Variants in ADSS2 observed in about 807,000 individuals in gnomAD.
ADSS2 encodes the protein adenylosuccinate synthase 2.
Under a neutral mutation model 60.0 loss-of-function variants are expected in ADSS2, and 30 were observed. The ratio of observed to expected loss-of-function variants is 0.50; its 90% CI spans 0.37 to 0.68. The LOEUF is 0.68. Ranked by LOEUF, ADSS2 falls within the 30% of genes least tolerant of loss-of-function variation. The pLI is 0.00. For missense variants in ADSS2, 373 were observed against 554.8 expected, an observed-to-expected ratio of 0.67 and a Z score of 3.29; for synonymous variants, 187 against 193.1, an observed-to-expected ratio of 0.97 and a Z score of 0.26.
chr1:244,417,546 A>C (rs567526488), intron 10 of ADSS2, 82 bp downstream of exon 10: 1 of 1,514,032 alleles, frequency 6.6e-7, no homozygotes, highest in African/African-American at 1.4e-5. Context: ...AAATTTTCCT[A>C]TTAAGGTACT....
chr1:244,433,574 T>C (rs187122379), intron 3 of ADSS2, among the ~76,000 whole-genome samples: 12 of 152,244 alleles, frequency 7.9e-5, no homozygotes, highest in East Asian at 7.7e-4. Flanking sequence ...ATAACAAATA[T>C]GGGCTGGGTG....
intron 11 of ADSS2, among the ~76,000 whole-genome samples, chr1:244,414,964 G>A (rs61067812): frequency 0.21 from 31,282 of 152,202 alleles, 3,600 homozygotes; most frequent in Admixed American, 0.28. Flanking sequence ...TTTCATAAGT[G>A]CTACTGCTGA....
chr1:244,425,497 T>C (rs1387353362), intron 4 of ADSS2, among the ~76,000 whole-genome samples: 1 of 152,208 alleles, frequency 6.6e-6, no homozygotes, highest in Admixed American at 6.5e-5. Flanking sequence ...TATTTAGAAC[T>C]ATTAGAAGAC....
chr1:244,420,802 G>A (rs546641456), intron 7 of ADSS2, among the ~76,000 whole-genome samples: 43 of 152,202 alleles, frequency 2.8e-4, no homozygotes, highest in African/African-American at 8.4e-4. Context: ...CGACCTCCCA[G>A]GCTCAAGCGA....
At chr1:244,425,639 A>G (rs913148401) in intron 4 of ADSS2, among the ~76,000 whole-genome samples, 2 of 152,074 alleles carry the variant, frequency 1.3e-5, no homozygotes, top group Non-Finnish European at 2.9e-5. Flanking sequence ...ACACTACTAA[A>G]ACTATCAAGG....
intron 1 of ADSS2, among the ~76,000 whole-genome samples, chr1:244,448,095 T>A (rs1309650495): frequency 6.6e-6 from 1 of 152,190 alleles, no homozygotes; most frequent in African/African-American, 2.4e-5. Flanking sequence ...GAAATAGCAA[T>A]TGTTATAAAC....
At chr1:244,415,059 T>G (rs931505360) in intron 11 of ADSS2, among the ~76,000 whole-genome samples, 3 of 152,248 alleles carry the variant, frequency 2.0e-5, no homozygotes, top group Non-Finnish European at 4.4e-5. Flanking sequence ...AGCTTTAAAA[T>G]TAAACACATG....
At chr1:244,441,625 T>C (rs1665250335) in intron 1 of ADSS2, among the ~76,000 whole-genome samples, 1 of 152,030 alleles carries the variant, frequency 6.6e-6, no homozygotes, top group Admixed American at 6.5e-5. Flanking sequence ...CGCATGTGCA[T>C]GTCACCCTGC....
At chr1:244,437,588 C>A in intron 2 of ADSS2, 78 bp downstream of exon 2, 1 of 1,023,264 alleles carries the variant, frequency 9.8e-7, no homozygotes, top group South Asian at 1.4e-5. Flanking sequence ...GAGATGAAAA[C>A]AGTTTTGACA....
At chr1:244,418,674 A>C in intron 9 of ADSS2, 86 bp downstream of exon 9, 1 of 1,330,094 alleles carries the variant, frequency 7.5e-7, no homozygotes, top group Non-Finnish European at 1.0e-6. Context: ...AATTAAGTGA[A>C]AGGCACAGGA....
intron 1 of ADSS2, among the ~76,000 whole-genome samples, chr1:244,449,249 A>T (rs1220296866): frequency 1.3e-5 from 2 of 152,220 alleles, no homozygotes; most frequent in Non-Finnish European, 1.5e-5. Flanking sequence ...TCTTTTTAAA[A>T]CTATATTTTA....
At chr1:244,432,921 G>A (rs1053826744) in intron 3 of ADSS2, among the ~76,000 whole-genome samples, 2 of 151,890 alleles carry the variant, frequency 1.3e-5, no homozygotes, top group Non-Finnish European at 2.9e-5. Context: ...ACCCACCTCA[G>A]CCTAAGATCT....
chr1:244,419,403 A>G (rs777504692), intron 8 of ADSS2: 3 of 152,626 alleles, frequency 2.0e-5, no homozygotes, highest in Non-Finnish European at 4.4e-5. Flanking sequence ...AGCTAATTAA[A>G]GAGTGGCATA....
chr1:244,413,139 G>C (rs982428571), intron 11 of ADSS2, among the ~76,000 whole-genome samples: 2 of 152,232 alleles, frequency 1.3e-5, no homozygotes, highest in African/African-American at 4.8e-5. Flanking sequence ...GCTGGGTCAA[G>C]GGGGGCAGCA....
chr1:244,435,414 C>A (rs934648577), intron 3 of ADSS2, among the ~76,000 whole-genome samples: 1 of 152,028 alleles, frequency 6.6e-6, no homozygotes, highest in Admixed American at 6.6e-5. Flanking sequence ...CAAATATATA[C>A]ATGAAATTCA....
At chr1:244,437,582 T>G (rs905475124) in intron 2 of ADSS2, 84 bp downstream of exon 2, 4 of 978,814 alleles carry the variant, frequency 4.1e-6, no homozygotes, top group Non-Finnish European at 6.5e-6. Flanking sequence ...CAGTGAGAGA[T>G]GAAAACAGTT....
chr1:244,417,813 A>G, intron 9 of ADSS2, 61 bp from the exon 10 acceptor site: 1 of 1,514,318 alleles, frequency 6.6e-7, no homozygotes. Flanking sequence ...CTGGTGGAAT[A>G]ATATATGCTA....
At chr1:244,442,545 A>G (rs991956596) in intron 1 of ADSS2, among the ~76,000 whole-genome samples, 1 of 152,144 alleles carries the variant, frequency 6.6e-6, no homozygotes, top group East Asian at 1.9e-4. Flanking sequence ...GAAACACCCG[A>G]GATTATCCTA....
At position 244,437,588 on chromosome 1, in the gene ADSS2, C is replaced by T. The variant is rs1480467878; in HGVS notation, c.286+78G>A. ...CCATCTGGTCAGTGAGAGATGAAAACAGTTTTGACAATAAAAAATAAACGC... is the reference window on the plus strand; with the variant it reads ...CCATCTGGTCAGTGAGAGATGAAAATAGTTTTGACAATAAAAAATAAACGC... On this transcript the variant is annotated intron_variant, in intron 2 of 12. Coordinates refer to ENST00000366535, the MANE Select transcript of ADSS2 (RefSeq NM_001126.5). The T allele has an allele frequency of 7.8e-6, 8 of 1,023,148 alleles. No homozygotes were observed. The African/African-American group carries it at 9.6e-5, about 12-fold the overall frequency. 63.4% of individuals were successfully genotyped at this position (1,023,148 alleles called of 1,614,324 possible). A position where few individuals can be genotyped will look rare whatever the true frequency, so the allele number is the denominator to read the frequency against.
Sources: gnomAD v4.1 joint callset for allele counts (sites outside exome capture counted in the v4.1 genomes callset) on GRCh38, gnomAD v4.1.1 for gene constraint, MANE v1.5 for transcripts, NCBI Gene and HGNC (gene_info 2026-07-23, HGNC 2026-07-21) for gene names.